The following ESYT1 variants were observed in gnomAD, a reference collection of about 807,000 sequenced individuals.
ESYT1 encodes the protein extended synaptotagmin-1.
ESYT1 carries 116 observed loss-of-function variants against 154.2 expected under a neutral mutation model. That is an observed-to-expected ratio of 0.75 (90% CI 0.65 to 0.88). The LOEUF (loss-of-function observed/expected upper bound fraction) is 0.88, where lower values mean the gene tolerates loss of function less well. Ranked by LOEUF, ESYT1 falls within the 40% of genes least tolerant of loss-of-function variation. The pLI, the probability that ESYT1 is intolerant of heterozygous loss-of-function variation, is 0.00. For missense variants in ESYT1, 1,264 were observed against 1,379.3 expected, an observed-to-expected ratio of 0.92 and a Z score of 1.32; for synonymous variants, 500 against 539.9, an observed-to-expected ratio of 0.93 and a Z score of 1.02.
chr12:56,143,346 G>A lies in ESYT1; in HGVS notation c.3225+13G>A. ...GCTGCTGGGGAAGGTAAGAGGGCAG[G>A]ATGGCAGGGCAGAGGTGAGGGCTGG... On this transcript the variant is annotated intron_variant, in intron 29 of 30. Transcript: ENST00000394048. 1 of 1,612,962 alleles carries A rather than the reference G, an allele frequency of 6.2e-7. No homozygotes were observed. Among genetic ancestry groups the A allele is most frequent in the Non-Finnish European group, 8.5e-7 (1 of 1,179,210 alleles).
At position 56,128,341 on chromosome 12, in the gene ESYT1, GGCCCCA is replaced by G. The variant is rs750033680; in HGVS notation, c.35_40del (p.Ser12_Pro13del). 1.5e-5 allele frequency: 24 copies of G among 1,611,458 alleles called. No individual in the cohort carries two copies. The highest frequency in any genetic ancestry group is 1.7e-4 in the Middle Eastern group (1 of 6,052). On this transcript the variant is annotated inframe_deletion, in exon 1 of 31. Coordinates refer to ENST00000394048, the MANE Select transcript of ESYT1 (RefSeq NM_015292.3). ...CACAATGGAGCGATCTCCAGGAGAG[GGCCCCA>G]GCCCCAGCCCCATGGACCAGCCCTC...
chr12:56,129,202 G>T, intron 1 of ESYT1: 1 of 163,192 alleles, frequency 6.1e-6, no homozygotes, highest in South Asian at 1.3e-4. Flanking sequence ...TACCCGCTAG[G>T]ACCCAGCCCC....
intron 15 of ESYT1, among the ~76,000 whole-genome samples, chr12:56,135,644 C>T (rs536854062): frequency 2.6e-5 from 4 of 151,950 alleles, no homozygotes; most frequent in African/African-American, 9.6e-5. Flanking sequence ...GTAATCCTAG[C>T]ACTTTGGGAG....
rs772155578 is a variant in ESYT1 at position 56,142,933 on chromosome 12, G to A, written c.2987G>A (p.Arg996Gln). The A allele has an allele frequency of 1.5e-5, 24 of 1,613,930 alleles. No homozygotes were observed. Among genetic ancestry groups the A allele is most frequent in the East Asian group, 2.2e-5 (1 of 44,894 alleles). Residue 996 changes from arginine (R) to glutamine (Q), a missense_variant and splice_region_variant, in exon 27 of 31, where the codon CGG becomes CAG. Coordinates refer to ENST00000394048, the MANE Select transcript of ESYT1 (RefSeq NM_015292.3). This position sits in a 1 kb window ranked among gnomAD's most constrained non-coding sequence, Gnocchi z 4.1. Reference sequence around the variant, plus strand: ...CTGGTCAGCATTGTTCATGGTTGCCGGTGAGACCCCATCCCTCCTGTCCTC... The same window carrying A: ...CTGGTCAGCATTGTTCATGGTTGCCAGTGAGACCCCATCCCTCCTGTCCTC... ...RKLVSIVHGC[R>Q]SLRQNGRDPP...
chr12:56,136,703 C>T, intron 15 of ESYT1, 41 bp from the exon 16 acceptor site: 1 of 1,540,880 alleles, frequency 6.5e-7, no homozygotes, highest in Non-Finnish European at 8.8e-7. Flanking sequence ...CCTCCCTTTC[C>T]CCTAATCCCT....
Position 56,142,740 on chromosome 12 carries a change from G to A in ESYT1, c.2888+8G>A, listed in dbSNP as rs755869027. 2 of 1,613,654 alleles carry A rather than the reference G, an allele frequency of 1.2e-6. No individual in the cohort carries two copies. The highest frequency in any genetic ancestry group is 1.7e-5 in the Admixed American group (1 of 60,028). ...CCTAACACATGTTGACAGGTAAAGG[G>A]CTGGGACAGGAAGGTGGGACGCAGT... On this transcript the variant is annotated splice_region_variant and intron_variant, in intron 26 of 30. Coordinates refer to ENST00000394048, the MANE Select transcript of ESYT1 (RefSeq NM_015292.3). This position sits in a 1 kb window ranked among gnomAD's most constrained non-coding sequence, Gnocchi z 4.1.
chr12:56,138,964 G>T lies in ESYT1; in HGVS notation c.2543G>T (p.Ser848Ile), dbSNP rs1195851808. ...SQTSAPVWDE[S>I]ASFLIRKPHT... ...ACTTCAGCCCCTGTCTGGGATGAGA[G>T]TGCCTCCTTTCTCATCAGGAAACCA... Residue 848 changes from serine (S) to isoleucine (I), a missense_variant, in exon 24 of 31, where the codon AGT becomes ATT. Coordinates refer to ENST00000394048, the MANE Select transcript of ESYT1 (RefSeq NM_015292.3). The T allele has an allele frequency of 2.5e-6, 4 of 1,614,166 alleles. No homozygotes were observed. The highest frequency in any genetic ancestry group is 3.4e-6 in the Non-Finnish European group (4 of 1,180,002).
intron 11 of ESYT1, 37 bp downstream of exon 11, chr12:56,133,502 A>G: frequency 6.2e-7 from 1 of 1,613,688 alleles, no homozygotes. Context: ...GGCTGATCTC[A>G]CCCTTTGGGT....
rs778227722 is a variant in ESYT1 at position 56,131,590 on chromosome 12, A to T, written c.804+24A>T. 5.0e-6 allele frequency: 8 copies of T among 1,612,624 alleles called. No homozygotes were observed. The East Asian group carries it at 1.3e-4, about 27-fold the overall frequency. ...CGGTAAGGGAAAACAATGAAGGGGT[A>T]TGGGGAAGCAGGAGAAACAGAGGAC... On this transcript the variant is annotated intron_variant, in intron 6 of 30. Transcript: ENST00000394048.
rs1167460308 is a variant in ESYT1, at chr12:56,128,269, G to A, written c.-51G>A. Reference sequence around the variant, plus strand: ...CTGGGGGAGCTGATCGCAAGACTAGGCAACCTCCAGCCAGTCCCTGGGTCG... The same window carrying A: ...CTGGGGGAGCTGATCGCAAGACTAGACAACCTCCAGCCAGTCCCTGGGTCG... On this transcript the variant is annotated 5_prime_UTR_variant, in exon 1 of 31. Coordinates refer to ENST00000394048, the MANE Select transcript of ESYT1 (RefSeq NM_015292.3). 1.9e-6 allele frequency: 3 copies of A among 1,546,848 alleles called. No individual in the cohort carries two copies. The highest frequency in any genetic ancestry group is 1.7e-6 in the Non-Finnish European group (2 of 1,155,302).
At position 56,144,432 on chromosome 12, in the gene ESYT1, G is replaced by A. The variant is rs888358448; in HGVS notation, c.*570G>A. 1.0e-6 allele frequency: 1 copy of A among 987,286 alleles called. No homozygotes were observed. Among genetic ancestry groups the A allele is most frequent in the African/African-American group, 1.7e-5 (1 of 57,216 alleles). The allele number at this position is 987,286 out of a possible 1,614,324, so 61.2% of individuals were successfully genotyped here. A position where few individuals can be genotyped will look rare whatever the true frequency, so the allele number is the denominator to read the frequency against. ...CTTTGATGGCTGGGGCCAGTCTCTT[G>A]TCACTTTGGAAACTGAGGACGCGTG... On this transcript the variant is annotated 3_prime_UTR_variant, in exon 31 of 31. Coordinates refer to ENST00000394048, the MANE Select transcript of ESYT1 (RefSeq NM_015292.3).
Position 56,131,046 on chromosome 12 carries a change from C to A in ESYT1, c.574C>A (p.Arg192Ser), listed in dbSNP as rs773027543. 8 of 1,614,148 alleles carry A rather than the reference C, an allele frequency of 5.0e-6. No homozygotes were observed. Among genetic ancestry groups the A allele is most frequent in the Non-Finnish European group, 6.8e-6 (8 of 1,180,024 alleles). Residue 192 changes from arginine to serine, a missense_variant, in exon 4 of 31, where the codon CGC (arginine) becomes AGC (serine). Coordinates refer to ENST00000394048, the MANE Select transcript of ESYT1 (RefSeq NM_015292.3). ...GGAATTTCTCTCTCCCTAGCCATTG[C>A]GCATCATTGGAGTCAAGGTTCACCC... is the stretch of plus-strand genomic sequence containing the variant. The part of the protein sequence containing the change: ...TRVELGEKPL[R>S]IIGVKVHPGQ...
intron 15 of ESYT1, 30 bp downstream of exon 15, chr12:56,134,458 G>A (rs774965255): frequency 1.2e-5 from 19 of 1,582,858 alleles, no homozygotes; most frequent in South Asian, 9.9e-5. Flanking sequence ...ATCCCCTCCC[G>A]AATACCCTAT....
At chr12:56,129,333 G>GC in intron 1 of ESYT1, 1 of 159,680 alleles carries the variant, frequency 6.3e-6, no homozygotes, top group Admixed American at 5.8e-5. Context: ...CTGCTGCAGT[G>GC]CCCGCGGCGC....
At position 56,143,870 on chromosome 12, in the gene ESYT1, C is replaced by T. The variant is rs1417198298; in HGVS notation, c.*8C>T. 5 of 1,613,676 alleles carry T rather than the reference C, an allele frequency of 3.1e-6. No homozygotes were observed. Among genetic ancestry groups the T allele is most frequent in the East Asian group, 2.2e-5 (1 of 44,874 alleles). The stretch of plus-strand genomic sequence containing the variant: ...GACAAGGGCAGCTCCTAGGAGCTGG[C>T]GAGTCCCAGCCTGACTGCTCTGTCT... On this transcript the variant is annotated 3_prime_UTR_variant, in exon 31 of 31. Transcript: ENST00000394048.
At position 56,142,834 on chromosome 12, in the gene ESYT1, G is replaced by A; in HGVS notation, c.2889-1G>A. ...CCAGACCTACTGATATTTCTCCACAGTCCCCTTGAGGCTCCAGCCGGGCCT... is the reference window on the plus strand; with the variant it reads ...CCAGACCTACTGATATTTCTCCACAATCCCCTTGAGGCTCCAGCCGGGCCT... On this transcript the variant is annotated splice_acceptor_variant, in intron 26 of 30. Coordinates refer to ENST00000394048, the MANE Select transcript of ESYT1 (RefSeq NM_015292.3). LOFTEE classifies it high-confidence loss of function. The surrounding 1 kb of genome is among the most constrained non-coding windows in gnomAD (Gnocchi z 4.1). The A allele has an allele frequency of 6.2e-7, 1 of 1,614,158 alleles. No homozygotes were observed. Among genetic ancestry groups the A allele is most frequent in the Non-Finnish European group, 8.5e-7 (1 of 1,180,016 alleles).
Position 56,137,855 on chromosome 12 carries a change from C to T in ESYT1, c.2139C>T (p.Gly713=). 6.2e-7 allele frequency: 1 copy of T among 1,614,166 alleles called. No homozygotes were observed. The highest frequency in any genetic ancestry group is 8.5e-7 in the Non-Finnish European group (1 of 1,180,032). ...AGGTGATCGTCACATCAGTTCCAGG[C>T]CAAGAGCTAGAGGTTGAAGTCTTTG... ...VFEVIVTSVP[G]QELEVEVFDK... is the part of the protein sequence containing the mutation. Residue 713 remains glycine (G), a synonymous_variant, in exon 19 of 31, where the codon GGC becomes GGT. Coordinates refer to ENST00000394048, the MANE Select transcript of ESYT1 (RefSeq NM_015292.3).
intron 3 of ESYT1, 45 bp from the exon 4 acceptor site, chr12:56,130,995 C>T: frequency 6.2e-7 from 1 of 1,614,120 alleles, no homozygotes; most frequent in Non-Finnish European, 8.5e-7. Flanking sequence ...GACTCAGGTA[C>T]TTCTCCCTAT....
At chr12:56,128,897 C>G in intron 1 of ESYT1, 188 bp downstream of exon 1, 2 of 653,136 alleles carry the variant, frequency 3.1e-6, no homozygotes, top group Non-Finnish European at 5.2e-6. Flanking sequence ...CTCACTCTCC[C>G]CACCCACCCT....
Sources: allele counts gnomAD v4.1 joint callset (sites outside exome capture counted in the v4.1 genomes callset), GRCh38; gene constraint gnomAD v4.1.1; non-coding constraint Gnocchi (gnomAD v3.1); transcripts MANE v1.5; gene names NCBI Gene and HGNC (gene_info 2026-07-23, HGNC 2026-07-21).